Variants in AAK1 observed in about 807,000 individuals in gnomAD.
AAK1 encodes the protein AP2-associated protein kinase 1.
AAK1 carries 37 observed loss-of-function variants against 116.0 expected under a neutral mutation model. The observed-to-expected ratio is 0.32, with a 90% CI of 0.25 to 0.42. The LOEUF is 0.42. Ranked by LOEUF, AAK1 falls within the 10% of genes least tolerant of loss-of-function variation. The probability of loss-of-function intolerance (pLI) is 1.00; values close to 1 mark genes in which losing one functional copy is unlikely to be tolerated. For synonymous variants in AAK1, 458 were observed against 439.9 expected (o/e 1.04, Z -0.51); for missense variants, 919 against 1,170.6 (o/e 0.79, Z 3.14).
chr2:69,571,017 C>A (rs779584425), intron 2 of AAK1, among the ~76,000 whole-genome samples: 4 of 152,050 alleles, frequency 2.6e-5, no homozygotes, highest in Non-Finnish European at 5.9e-5. Flanking sequence ...CACCCCCATG[C>A]CCACCTTGAT....
Position 69,475,347 on chromosome 2 carries a change from C to T in AAK1, c.*522G>A, listed in dbSNP as rs10205451. 4.8e-5 allele frequency: 47 copies of T among 986,862 alleles called. No homozygotes were observed. In the African/African-American group the frequency reaches 7.1e-4, roughly 15 times the overall value. 61.1% of individuals were successfully genotyped at this position (986,862 alleles called of 1,614,324 possible). A position where few individuals can be genotyped will look rare whatever the true frequency, so the allele number is the denominator to read the frequency against. ...GTTTTACCCTTTCTTAAACCACACA[C>T]CCATCTCCAGGCTACTGCCTAGAGT... On this transcript the variant is annotated 3_prime_UTR_variant, in exon 22 of 22. Coordinates refer to ENST00000409085, the MANE Select transcript of AAK1 (RefSeq NM_014911.5).
intron 2 of AAK1, among the ~76,000 whole-genome samples, chr2:69,589,008 T>A (rs1572984567): frequency 6.6e-6 from 1 of 152,228 alleles, no homozygotes; most frequent in African/African-American, 2.4e-5. Flanking sequence ...ATGAACAATA[T>A]GCTCACATGG....
intron 10 of AAK1, among the ~76,000 whole-genome samples, chr2:69,522,424 C>A (rs1474167347): frequency 2.0e-5 from 3 of 152,074 alleles, no homozygotes; most frequent in Non-Finnish European, 4.4e-5. Flanking sequence ...GATATAAAGG[C>A]TATCACATCT....
chr2:69,540,121 C>CTTTTTTTTTTTTT lies in AAK1; in HGVS notation c.534+2389_534+2401dup. 1.6e-5 allele frequency among the ~76,000 whole-genome samples: 2 copies of CTTTTTTTTTTTTT among 127,818 alleles called. 1 individual carries two copies. The allele number at this position is 127,818 out of a possible 152,430, so 83.9% of individuals were successfully genotyped here. On this transcript the variant is annotated intron_variant, in intron 5 of 21. Transcript: ENST00000409085. ...AACATGCATTCCCTGCCCCACTTGC[C>CTTTTTTTTTTTTT]TTTTTTTTTTTTTTTTTTGAGACAG...
chr2:69,525,007 C>T (rs2105010729), intron 10 of AAK1, 26 bp downstream of exon 10: 2 of 1,605,016 alleles, frequency 1.2e-6, no homozygotes, highest in African/African-American at 1.3e-5. Context: ...CCAAGGAGGA[C>T]ATGTGTTCAT....
At chr2:69,594,315 T>C (rs981267734) in intron 2 of AAK1, among the ~76,000 whole-genome samples, 1 of 152,244 alleles carries the variant, frequency 6.6e-6, no homozygotes, top group Non-Finnish European at 1.5e-5. Context: ...GAGGATCCTG[T>C]GGATCGTGTG....
chr2:69,545,804 T>G (rs1245415816), intron 3 of AAK1, among the ~76,000 whole-genome samples: 2 of 152,154 alleles, frequency 1.3e-5, no homozygotes, highest in African/African-American at 4.8e-5. Context: ...GTGAGAGTAG[T>G]TTCACAGAAC....
chr2:69,555,847 ATAT>A (rs1388231233), intron 3 of AAK1, among the ~76,000 whole-genome samples: 6 of 151,154 alleles, frequency 4.0e-5, no homozygotes, highest in South Asian at 2.1e-4. Context: ...ATAATATTAC[ATAT>A]TATTATATTA....
chr2:69,603,062 A>G (rs1297532205), intron 2 of AAK1, among the ~76,000 whole-genome samples: 1 of 152,236 alleles, frequency 6.6e-6, no homozygotes, highest in African/African-American at 2.4e-5. Context: ...AGGGATGGAC[A>G]AATATCAAGA....
At chr2:69,607,185 C>A (rs1673845619) in intron 2 of AAK1, among the ~76,000 whole-genome samples, 1 of 151,778 alleles carries the variant, frequency 6.6e-6, no homozygotes, top group Non-Finnish European at 1.5e-5. Flanking sequence ...AGAAGGGTTC[C>A]CCAAGAAGGT....
At chr2:69,604,455 C>T (rs188483855) in intron 2 of AAK1, among the ~76,000 whole-genome samples, 1 of 152,314 alleles carries the variant, frequency 6.6e-6, no homozygotes, top group African/African-American at 2.4e-5. Flanking sequence ...TTTCTCTCCT[C>T]CTCTAGGGCA....
At chr2:69,495,389 G>A (rs1176700797) in intron 17 of AAK1, among the ~76,000 whole-genome samples, 1 of 152,174 alleles carries the variant, frequency 6.6e-6, no homozygotes, top group Non-Finnish European at 1.5e-5. Context: ...TCAAACTCCT[G>A]CAGTCCAACA....
chr2:69,497,807 C>T (rs1249745651), intron 16 of AAK1, among the ~76,000 whole-genome samples: 1 of 152,136 alleles, frequency 6.6e-6, no homozygotes, highest in Non-Finnish European at 1.5e-5. Flanking sequence ...CAACCAGCTT[C>T]CCCCAGTGGT....
In AAK1 at chr2:69,466,284, T is replaced by G; in HGVS notation, c.*9585A>C. On this transcript the variant is annotated 3_prime_UTR_variant, in exon 22 of 22. Coordinates refer to ENST00000409085, the MANE Select transcript of AAK1 (RefSeq NM_014911.5). ...CGGGGGGGGTCTGCAGCTCTCATCT[T>G]CTTCTTCAGACTCCATAAGGAGAGG... 1 of 1,289,822 alleles carries G rather than the reference T, an allele frequency of 7.8e-7. No homozygotes were observed. Among genetic ancestry groups the G allele is most frequent in the Non-Finnish European group, 1.0e-6 (1 of 988,864 alleles). The allele number at this position is 1,289,822 out of a possible 1,614,324, so 79.9% of individuals were successfully genotyped here. A position where few individuals can be genotyped will look rare whatever the true frequency, so the allele number is the denominator to read the frequency against.
Position 69,519,171 on chromosome 2 carries a change from G to T in AAK1, c.1280C>A (p.Pro427His). The T allele has an allele frequency of 1.3e-6, 2 of 1,586,846 alleles. No individual in the cohort carries two copies. The highest frequency in any genetic ancestry group is 1.7e-6 in the Non-Finnish European group (2 of 1,166,350). ...QPKPQAPPSQPLPQTQAKQPQ... is the reference protein window; with the variant it reads ...QPKPQAPPSQHLPQTQAKQPQ... ...CTGCTTGGCCTGAGTTTGCGGCAGA[G>T]GCTGGCTGGGTGGGGCTTGGGGTTT... is the stretch of plus-strand genomic sequence containing the variant. The change falls in exon 12 of 22, where the codon CCT becomes CAT. Residue 427 changes from proline (P) to histidine (H), a missense_variant. By Grantham distance (77) the Pro-to-His change is moderately conservative. Transcript: ENST00000409085.
intron 2 of AAK1, among the ~76,000 whole-genome samples, chr2:69,583,343 G>A (rs1356511805): frequency 6.6e-6 from 1 of 152,228 alleles, no homozygotes; most frequent in Admixed American, 6.5e-5. Flanking sequence ...GAGGATGGAA[G>A]TAAATTAAAA....
rs374585292 is a variant in AAK1 at position 69,514,552 on chromosome 2, T to C, written c.1695A>G (p.Gln565=). ...GCTGTCCTGCTGCCATAGTGGGCTT[T>C]TGCTGCAAGGCAGCCTGCTGAGTCA... ...QLMTQQAALQ[Q]KPTMAAGQQP... Residue 565 remains glutamine, a synonymous_variant, in exon 13 of 22, where the codon CAA becomes CAG. Transcript: ENST00000409085. 1.3e-6 allele frequency: 2 copies of C among 1,555,380 alleles called. No homozygotes were observed. Among genetic ancestry groups the C allele is most frequent in the African/African-American group, 1.4e-5 (1 of 73,268 alleles).
intron 15 of AAK1, among the ~76,000 whole-genome samples, chr2:69,506,161 G>A (rs945044972): frequency 2.6e-5 from 4 of 152,186 alleles, no homozygotes; most frequent in Non-Finnish European, 4.4e-5. Context: ...AAAGCTGACA[G>A]CTGAACAGTA....
intron 2 of AAK1, among the ~76,000 whole-genome samples, chr2:69,589,408 GA>G (rs1325018500): frequency 6.6e-6 from 1 of 152,044 alleles, no homozygotes; most frequent in East Asian, 1.9e-4. Context: ...GTAACTCAAA[GA>G]AAGTAAAGGA....
Sources: gnomAD v4.1 joint callset for allele counts (sites outside exome capture counted in the v4.1 genomes callset) on GRCh38, gnomAD v4.1.1 for gene constraint, MANE v1.5 for transcripts, NCBI Gene and HGNC (gene_info 2026-07-23, HGNC 2026-07-21) for gene names.